TASP1: variants seen among roughly 807,000 people sequenced by gnomAD.
TASP1 encodes the protein taspase 1.
Under a neutral mutation model 56.6 loss-of-function variants are expected in TASP1, and 16 were observed. That is an observed-to-expected ratio of 0.28 (90% CI 0.19 to 0.43). The LOEUF (loss-of-function observed/expected upper bound fraction) is 0.43. TASP1 is among the 20% of genes least tolerant of loss of function. The pLI is 1.00. For missense variants in TASP1, 393 were observed against 511.6 expected, an observed-to-expected ratio of 0.77 and a Z score of 2.24; for synonymous variants, 179 against 184.2, an observed-to-expected ratio of 0.97 and a Z score of 0.23.
Position 13,602,381 on chromosome 20 carries a change from G to A in TASP1, c.283-15011C>T, listed in dbSNP as rs147514777. Among the ~76,000 whole-genome samples the A allele has an allele frequency of 5.3e-3, 800 of 152,230 alleles. 3 individuals are homozygous for A. The highest frequency in any genetic ancestry group is 0.017 in the South Asian group (84 of 4,828). ...TGGTATCCTGGATGGAACCCTGGAA[G>A]AGAAAAAAGGCATTAGGCAAAAACT... On this transcript the variant is annotated intron_variant, in intron 4 of 13. Transcript: ENST00000337743.
At chr20:13,348,604 A>G in the TASP1 span, among the ~76,000 whole-genome samples, 1 of 152,204 alleles carries the variant, frequency 6.6e-6, no homozygotes, top group African/African-American at 2.4e-5. Context: ...ATGAATTTTT[A>G]GCTGCTGACA....
chr20:13,295,009 T>G, the TASP1 span, among the ~76,000 whole-genome samples: 379 of 152,252 alleles, frequency 2.5e-3, 2 homozygotes, highest in Non-Finnish European at 3.1e-3. Context: ...CCAATTTTTC[T>G]CTTCCTCGTT....
chr20:13,252,623 C>G, the TASP1 span, among the ~76,000 whole-genome samples: 1 of 152,010 alleles, frequency 6.6e-6, no homozygotes, highest in African/African-American at 2.4e-5. Context: ...GGTGTGGTGG[C>G]GTGCACCTGT....
rs1036595811 is a variant in TASP1 at position 13,511,179 on chromosome 20, A to G, written c.874+17254T>C. Among the ~76,000 whole-genome samples the G allele has an allele frequency of 1.7e-4, 24 of 143,936 alleles. 1 individual carries two copies. Among genetic ancestry groups the G allele is most frequent in the South Asian group, 4.3e-4 (2 of 4,608 alleles). The allele number at this position is 143,936 out of a possible 152,430, so 94.4% of individuals were successfully genotyped here. ...AAAGAAAGAGTTCCTCATTCCTAGG[A>G]AAAAAAAAAAAACTAAAAGAAGATT... On this transcript the variant is annotated intron_variant, in intron 10 of 13. Coordinates refer to ENST00000337743, the MANE Select transcript of TASP1 (RefSeq NM_017714.3).
chr20:13,163,290 C>T, the TASP1 span, among the ~76,000 whole-genome samples: 3 of 150,924 alleles, frequency 2.0e-5, no homozygotes, highest in Non-Finnish European at 4.4e-5. Flanking sequence ...ATCACTTGAA[C>T]CCGGGAGGCG....
At chr20:13,283,721 T>C in the TASP1 span, among the ~76,000 whole-genome samples, 1 of 152,220 alleles carries the variant, frequency 6.6e-6, no homozygotes, top group Non-Finnish European at 1.5e-5. Context: ...CTAACAGTAG[T>C]ATACCATTTC....
the TASP1 span, among the ~76,000 whole-genome samples, chr20:13,161,250 A>C: frequency 6.6e-6 from 1 of 152,224 alleles, no homozygotes; most frequent in African/African-American, 2.4e-5. Flanking sequence ...TAAATGAGAT[A>C]AGGTATACAG....
chr20:13,224,946 T>C, the TASP1 span, among the ~76,000 whole-genome samples: 227 of 149,956 alleles, frequency 1.5e-3, 2 homozygotes, highest in East Asian at 5.3e-3. Context: ...CCCGGGTTCA[T>C]GCCATTCTCC....
At chr20:13,141,775 A>G in the TASP1 span, among the ~76,000 whole-genome samples, 1 of 152,178 alleles carries the variant, frequency 6.6e-6, no homozygotes, top group African/African-American at 2.4e-5. Flanking sequence ...GGTAATACAA[A>G]ACAGATGTTG....
chr20:13,274,672 C>CAA, the TASP1 span, among the ~76,000 whole-genome samples: 1 of 146,150 alleles, frequency 6.8e-6, no homozygotes, highest in African/African-American at 2.7e-5. Context: ...CACTCCCCGC[C>CAA]CCCCCCGCGC....
At chr20:13,582,792 C>T (rs960388045) in intron 5 of TASP1, among the ~76,000 whole-genome samples, 3 of 152,178 alleles carry the variant, frequency 2.0e-5, no homozygotes, top group African/African-American at 7.2e-5. Context: ...CGGTTTATTG[C>T]TTCTCAGCTA....
At chr20:13,599,945 C>T (rs1601399040) in intron 4 of TASP1, among the ~76,000 whole-genome samples, 2 of 152,064 alleles carry the variant, frequency 1.3e-5, no homozygotes, top group East Asian at 3.9e-4. Context: ...AGTTAGTAAG[C>T]TCATAGGATA....
chr20:13,587,077 C>T (rs989038915), intron 5 of TASP1, among the ~76,000 whole-genome samples, 173 bp downstream of exon 5: 1 of 151,974 alleles, frequency 6.6e-6, no homozygotes, highest in African/African-American at 2.4e-5. Flanking sequence ...CAAATTCAAA[C>T]CAAAAACTAC....
chr20:13,552,083 C>T (rs2045998949), intron 8 of TASP1, among the ~76,000 whole-genome samples: 1 of 152,180 alleles, frequency 6.6e-6, no homozygotes, highest in South Asian at 2.1e-4. Context: ...CTTGCTTTGC[C>T]TAATATACAT....
intron 6 of TASP1, among the ~76,000 whole-genome samples, chr20:13,571,863 G>T (rs1000269492): frequency 6.6e-6 from 1 of 152,070 alleles, no homozygotes; most frequent in Non-Finnish European, 1.5e-5. Context: ...AACATACCAA[G>T]GAGGCTCCAG....
chr20:13,546,188 T>TC (rs2045803507), intron 8 of TASP1, among the ~76,000 whole-genome samples: 1 of 130,164 alleles, frequency 7.7e-6, no homozygotes, highest in Non-Finnish European at 1.8e-5. Context: ...AGGCCAAAGG[T>TC]TAAAAAAAAA....
the TASP1 span, among the ~76,000 whole-genome samples, chr20:13,321,096 G>A: frequency 6.6e-6 from 1 of 151,884 alleles, no homozygotes; most frequent in East Asian, 1.9e-4. Flanking sequence ...CAACTCAGGA[G>A]GCTGAGGCAT....
At chr20:13,405,630 T>C (rs1337510715) in intron 13 of TASP1, among the ~76,000 whole-genome samples, 1 of 152,080 alleles carries the variant, frequency 6.6e-6, no homozygotes, top group Non-Finnish European at 1.5e-5. Flanking sequence ...CACTGCAACC[T>C]CCGCCTCCTG....
intron 8 of TASP1, among the ~76,000 whole-genome samples, chr20:13,536,234 T>C (rs905048496): frequency 2.6e-5 from 4 of 152,142 alleles, no homozygotes; most frequent in African/African-American, 9.7e-5. Context: ...TTCCACACTA[T>C]GCTGATGGTC....
Sources: allele counts gnomAD v4.1 joint callset (sites outside exome capture counted in the v4.1 genomes callset), GRCh38; gene constraint gnomAD v4.1.1; transcripts MANE v1.5; gene names NCBI Gene and HGNC (gene_info 2026-07-23, HGNC 2026-07-21).